The following EIF2AK3 variants were observed in gnomAD, a reference collection of about 807,000 sequenced individuals.
EIF2AK3 encodes eukaryotic translation initiation factor 2-alpha kinase 3.
A neutral mutation model predicts 113.5 loss-of-function variants in EIF2AK3; 50 were observed. That is an observed-to-expected ratio of 0.44 (90% CI 0.35 to 0.56). The LOEUF (loss-of-function observed/expected upper bound fraction) is 0.56, where lower values mean the gene tolerates loss of function less well. Among genes scored for constraint, EIF2AK3 ranks in the 20% least tolerant of loss-of-function variants. The pLI is 0.00. For missense variants in EIF2AK3, 1,185 were observed against 1,378.0 expected, an observed-to-expected ratio of 0.86 and a Z score of 2.22; for synonymous variants, 448 against 495.4, an observed-to-expected ratio of 0.90 and a Z score of 1.27.
At chr2:88,558,636 T>G (rs1387423471) in intron 16 of EIF2AK3, among the ~76,000 whole-genome samples, 1 of 152,222 alleles carries the variant, frequency 6.6e-6, no homozygotes, top group Non-Finnish European at 1.5e-5. Flanking sequence ...GAACACATAC[T>G]AACTCACTTC....
chr2:88,596,885 C>T (rs956017193), intron 2 of EIF2AK3, among the ~76,000 whole-genome samples: 20 of 152,274 alleles, frequency 1.3e-4, no homozygotes, highest in Admixed American at 1.2e-3. Context: ...CCAAGAATAT[C>T]TTATTTCTTC....
chr2:88,594,878 G>C (rs1040217699), intron 3 of EIF2AK3, among the ~76,000 whole-genome samples: 1 of 140,178 alleles, frequency 7.1e-6, no homozygotes, highest in African/African-American at 2.6e-5. Flanking sequence ...AGACTGTGAA[G>C]ATTGCAAAAT....
chr2:88,606,427 C>T (rs1263493995), intron 2 of EIF2AK3, among the ~76,000 whole-genome samples: 4 of 152,192 alleles, frequency 2.6e-5, no homozygotes, highest in South Asian at 2.1e-4. Flanking sequence ...ATTAATATAA[C>T]AAAATTAAAT....
Position 88,593,287 on chromosome 2 carries a change from C to A in EIF2AK3, c.752G>T (p.Arg251Leu). The A allele has an allele frequency of 6.2e-7, 1 of 1,614,008 alleles. No homozygotes were observed. Among genetic ancestry groups the A allele is most frequent in the Non-Finnish European group, 8.5e-7 (1 of 1,179,942 alleles). Residue 251 changes from arginine to leucine, a missense_variant, in exon 4 of 17, where the codon CGC becomes CTC. Arg to Leu is a moderately radical substitution (Grantham distance 102). Around this residue, in one of 3 missense-constraint regions of EIF2AK3, gnomAD observed 119 missense variants for 178.7 expected, o/e 0.67. Transcript: ENST00000303236. ...TQKTVRAVGP[R>L]SGNEKWNFSV... ...GAATACACACTTCTCATTGCCACTGCGAGGTCCGACAGCTCTAACAGTTTT... is the reference window on the plus strand; with the variant it reads ...GAATACACACTTCTCATTGCCACTGAGAGGTCCGACAGCTCTAACAGTTTT...
chr2:88,624,929 T>C (rs1675821677), intron 1 of EIF2AK3: 1 of 152,238 alleles, frequency 6.6e-6, no homozygotes. Context: ...TCATCTGAAC[T>C]GCTATAACAC....
chr2:88,581,490 T>C (rs1005015662), intron 10 of EIF2AK3, among the ~76,000 whole-genome samples: 1 of 152,238 alleles, frequency 6.6e-6, no homozygotes, highest in Non-Finnish European at 1.5e-5. Context: ...CATGGCTTTC[T>C]TCTTACATGC....
At chr2:88,582,919 AT>A (rs1390564611) in intron 10 of EIF2AK3, among the ~76,000 whole-genome samples, 3 of 152,188 alleles carry the variant, frequency 2.0e-5, no homozygotes, top group Non-Finnish European at 4.4e-5. Flanking sequence ...CAAAGGTGAC[AT>A]TTTATACTTG....
chr2:88,565,320 G>A (rs931838444), intron 14 of EIF2AK3, among the ~76,000 whole-genome samples: 1 of 149,260 alleles, frequency 6.7e-6, no homozygotes, highest in Non-Finnish European at 1.5e-5. Flanking sequence ...ACAGGTGTCA[G>A]CCACCATGCC....
chr2:88,592,237 G>T (rs1402949783), intron 4 of EIF2AK3, among the ~76,000 whole-genome samples: 1 of 151,886 alleles, frequency 6.6e-6, no homozygotes, highest in Non-Finnish European at 1.5e-5. Context: ...AATTACATAA[G>T]GGGTTCATTA....
At chr2:88,591,166 A>C in intron 4 of EIF2AK3, 114 bp from the exon 5 acceptor site, 1 of 956,466 alleles carries the variant, frequency 1.0e-6, no homozygotes. Context: ...TGAGAAAACT[A>C]ACAACATAAC....
At chr2:88,567,110 T>A (rs1296594683) in intron 14 of EIF2AK3, among the ~76,000 whole-genome samples, 1 of 152,170 alleles carries the variant, frequency 6.6e-6, no homozygotes, top group Admixed American at 6.5e-5. Context: ...GCCTAGAAGT[T>A]CAAAATGAAA....
At chr2:88,593,937 G>A in intron 3 of EIF2AK3, 2 of 992,040 alleles carry the variant, frequency 2.0e-6, no homozygotes, top group Non-Finnish European at 2.4e-6. Flanking sequence ...GAATTATGTA[G>A]CAGCACATCA....
Position 88,590,898 on chromosome 2 carries a change from T to C in EIF2AK3, c.922A>G (p.Ile308Val), listed in dbSNP as rs1468932809. Residue 308 changes from isoleucine to valine, a missense_variant, in exon 5 of 17, where the codon ATA (isoleucine) becomes GTA (valine). Physicochemically the swap from Ile to Val is conservative, Grantham distance 29 (BLOSUM62 3). Around this residue, in one of 3 missense-constraint regions of EIF2AK3, gnomAD observed 877 missense variants for 1,024.2 expected, o/e 0.86. Transcript: ENST00000303236. Reference protein sequence around the residue: ...VEEQEAAIMDIVIKVSVADWK... With the variant: ...VEEQEAAIMDVVIKVSVADWK... ...TCAGCAACCGAAACCTTTATCACTA[T>C]GTCCATTATGGCAGCTTCCTGTTCT... 1.2e-6 allele frequency: 2 copies of C among 1,614,126 alleles called. No homozygotes were observed. The highest frequency in any genetic ancestry group is 1.7e-6 in the Non-Finnish European group (2 of 1,179,982).
At chr2:88,599,742 T>C (rs1675105792) in intron 2 of EIF2AK3, among the ~76,000 whole-genome samples, 1 of 152,112 alleles carries the variant, frequency 6.6e-6, no homozygotes, top group African/African-American at 2.4e-5. Flanking sequence ...TTATTTCCTC[T>C]TCCATTAAAA....
At chr2:88,576,897 T>C (rs1399724334) in intron 11 of EIF2AK3, among the ~76,000 whole-genome samples, 194 bp from the exon 12 acceptor site, 5 of 152,116 alleles carry the variant, frequency 3.3e-5, no homozygotes, top group Non-Finnish European at 7.4e-5. Context: ...ATCTGAAGTA[T>C]TCATATCTAA....
chr2:88,557,933 C>G lies in EIF2AK3; in HGVS notation c.3154G>C (p.Val1052Leu). 1 of 1,613,900 alleles carries G rather than the reference C, an allele frequency of 6.2e-7. No individual in the cohort carries two copies. The highest frequency in any genetic ancestry group is 8.5e-7 in the Non-Finnish European group (1 of 1,179,868). ...LFTQKYPCEY[V>L]MVQDMLSPSP... Reference sequence around the variant, plus strand: ...GGAGAGAGCATGTCTTGAACCATCACGTACTGAAAATATAAAAATTGTTTT... The same window carrying G: ...GGAGAGAGCATGTCTTGAACCATCAGGTACTGAAAATATAAAAATTGTTTT... The change falls in exon 17 of 17, where the codon GTG (valine) becomes CTG (leucine). Residue 1052 changes from valine to leucine, a missense_variant. Val to Leu is a conservative substitution (Grantham distance 32). Around this residue, in one of 3 missense-constraint regions of EIF2AK3, gnomAD observed 877 missense variants for 1,024.2 expected, o/e 0.86. Transcript: ENST00000303236.
Position 88,591,017 on chromosome 2 carries a change from T to C in EIF2AK3, c.803A>G (p.Tyr268Cys), listed in dbSNP as rs773037976. The C allele has an allele frequency of 2.5e-6, 4 of 1,614,132 alleles. No individual in the cohort carries two copies. Among genetic ancestry groups the C allele is most frequent in the Non-Finnish European group, 3.4e-6 (4 of 1,179,980 alleles). Residue 268 changes from tyrosine (Y) to cysteine (C), a missense_variant, in exon 5 of 17, where the codon TAT becomes TGT. Around this residue, in one of 3 missense-constraint regions of EIF2AK3, gnomAD observed 877 missense variants for 1,024.2 expected, o/e 0.86. Coordinates refer to ENST00000303236, the MANE Select transcript of EIF2AK3 (RefSeq NM_004836.7). ...GGCTCTCGTTTCCATGTCTGGAATA[T>C]ACCGAAGTTCAAAGTGGCCAACACT... Reference protein sequence around the residue: ...NFSVGHFELRYIPDMETRAGF... With the variant: ...NFSVGHFELRCIPDMETRAGF...
chr2:88,558,862 C>CGCTT, intron 16 of EIF2AK3, 55 bp downstream of exon 16: 1 of 1,402,728 alleles, frequency 7.1e-7, no homozygotes, highest in African/African-American at 1.4e-5. Context: ...TGCTAAGGAC[C>CGCTT]GCTTACGTTC....
At position 88,590,821 on chromosome 2, in the gene EIF2AK3, G is replaced by A. The variant is rs1399317107; in HGVS notation, c.999C>T (p.Tyr333=). 2 of 1,613,768 alleles carry A rather than the reference G, an allele frequency of 1.2e-6. No individual in the cohort carries two copies. The highest frequency in any genetic ancestry group is 1.3e-5 in the African/African-American group (1 of 74,902). ...AATCCTCAGTGGTGTTAGGTACCTG[G>A]TACTCCCATTCCAGATGTCCTCCCT... is the stretch of plus-strand genomic sequence containing the variant. The part of the protein sequence containing the change: ...SKKGGHLEWE[Y]QFCTPIASAW... The change falls in exon 5 of 17, where the codon TAC becomes TAT. Residue 333 remains tyrosine (Y), a synonymous_variant. Coordinates refer to ENST00000303236, the MANE Select transcript of EIF2AK3 (RefSeq NM_004836.7).
Sources: allele counts gnomAD v4.1 joint callset (sites outside exome capture counted in the v4.1 genomes callset), GRCh38; gene constraint gnomAD v4.1.1; regional missense constraint gnomAD v4.1.1; transcripts MANE v1.5; gene names NCBI Gene and HGNC (gene_info 2026-07-23, HGNC 2026-07-21).